The following LRMDA variants were observed in gnomAD, a reference collection of about 807,000 sequenced individuals.
LRMDA encodes leucine rich melanocyte differentiation associated.
In LRMDA, 18 loss-of-function variants were observed where a neutral mutation model predicts 29.8. That is an observed-to-expected ratio of 0.60 (90% confidence interval 0.42 to 0.90). LRMDA has a LOEUF of 0.90. Ranked by LOEUF, LRMDA falls within the 40% of genes least tolerant of loss-of-function variation. The pLI is 0.00. For missense variants in LRMDA, 273 were observed against 273.9 expected (o/e 1.00, Z 0.02); for synonymous variants, 125 against 109.4 (o/e 1.14, Z -0.89).
intron 5 of LRMDA, among the ~76,000 whole-genome samples, chr10:76,077,992 A>ATTTTTTTTTTTTT (rs756023731): frequency 2.1e-5 from 1 of 48,048 alleles, no homozygotes; most frequent in African/African-American, 9.0e-5. Context: ...CAATATTAAC[A>ATTTTTTTTTTTTT]TTTTTTTTTT....
chr10:76,245,955 T>C (rs1441704673), intron 5 of LRMDA, among the ~76,000 whole-genome samples: 1 of 152,200 alleles, frequency 6.6e-6, no homozygotes, highest in Non-Finnish European at 1.5e-5. Context: ...AAATTAGAGA[T>C]ACGATACTAG....
chr10:76,527,282 C>T (rs140231996), intron 6 of LRMDA, among the ~76,000 whole-genome samples: 256 of 152,248 alleles, frequency 1.7e-3, no homozygotes, highest in African/African-American at 6.0e-3. Flanking sequence ...TAAGTATGCA[C>T]TACCATGTGC....
At chr10:76,237,886 G>A (rs1852185444) in intron 5 of LRMDA, among the ~76,000 whole-genome samples, 1 of 149,732 alleles carries the variant, frequency 6.7e-6, no homozygotes, top group African/African-American at 2.5e-5. Context: ...CTGCCCCTGG[G>A]TTCAAGCAAT....
chr10:76,077,580 G>A (rs1005397211), intron 5 of LRMDA, among the ~76,000 whole-genome samples: 6 of 152,044 alleles, frequency 3.9e-5, no homozygotes, highest in Admixed American at 3.9e-4. Context: ...AGTTTCCAAG[G>A]TCATAGTTTC....
intron 5 of LRMDA, among the ~76,000 whole-genome samples, chr10:76,101,812 G>T (rs551127214): frequency 6.6e-6 from 1 of 151,978 alleles, no homozygotes; most frequent in Admixed American, 6.6e-5. Flanking sequence ...TAGTACATTC[G>T]CAGGGTTGTG....
chr10:76,004,823 G>T (rs1424494381), intron 2 of LRMDA, among the ~76,000 whole-genome samples: 1 of 151,620 alleles, frequency 6.6e-6, no homozygotes, highest in Non-Finnish European at 1.5e-5. Context: ...CGCCTCCCAG[G>T]TTCATGCCAT....
At chr10:75,559,272 C>G (rs912634579) in intron 2 of LRMDA, among the ~76,000 whole-genome samples, 6 of 150,944 alleles carry the variant, frequency 4.0e-5, no homozygotes, top group Non-Finnish European at 5.9e-5. Context: ...TTGCATTTCT[C>G]TGATGGCCAG....
At chr10:75,948,311 G>T (rs1323463693) in intron 2 of LRMDA, among the ~76,000 whole-genome samples, 3 of 152,156 alleles carry the variant, frequency 2.0e-5, no homozygotes, top group Admixed American at 6.5e-5. Context: ...GCAGTACTTT[G>T]TTCCCGAGCA....
chr10:76,214,330 A>ATATT lies in LRMDA; in HGVS notation c.517-110070_517-110069insATTT, dbSNP rs1554855432. Among the ~76,000 whole-genome samples, 263 of 87,248 alleles carry ATATT rather than the reference A, an allele frequency of 3.0e-3. 6 individuals carry two copies. The highest frequency in any genetic ancestry group is 8.5e-3 in the East Asian group (20 of 2,344). The allele number at this position is 87,248 out of a possible 152,430, so 57.2% of individuals were successfully genotyped here. ...TACTGTAAGATGTCACTTGAACCAAATTTTTTTTTTTTTTTTTTTTTTTTT... is the reference window on the plus strand; with the variant it reads ...TACTGTAAGATGTCACTTGAACCAAATATTTTTTTTTTTTTTTTTTTTTTTTTTT... On this transcript the variant is annotated intron_variant, in intron 5 of 6. Coordinates refer to ENST00000611255, the MANE Select transcript of LRMDA (RefSeq NM_001305581.2).
chr10:75,655,170 G>T (rs1311342769), intron 2 of LRMDA, among the ~76,000 whole-genome samples: 1 of 152,170 alleles, frequency 6.6e-6, no homozygotes, highest in Non-Finnish European at 1.5e-5. Flanking sequence ...CCTTTTTGTG[G>T]TTGTCAAAAC....
At chr10:76,429,062 C>T (rs1842162431) in intron 6 of LRMDA, among the ~76,000 whole-genome samples, 1 of 130,470 alleles carries the variant, frequency 7.7e-6, no homozygotes, top group South Asian at 2.6e-4. Flanking sequence ...ACACACATTC[C>T]CCACACTGGC....
intron 5 of LRMDA, among the ~76,000 whole-genome samples, chr10:76,255,438 G>A (rs1852575582): frequency 6.6e-6 from 1 of 152,138 alleles, no homozygotes; most frequent in Non-Finnish European, 1.5e-5. Flanking sequence ...TTCATAATAA[G>A]GATTTTAGGA....
chr10:76,463,691 G>T (rs1842535131), intron 6 of LRMDA, among the ~76,000 whole-genome samples: 1 of 152,092 alleles, frequency 6.6e-6, no homozygotes, highest in South Asian at 2.1e-4. Context: ...GAGGAGAAAG[G>T]ACAGCTGCAG....
chr10:75,759,223 A>G (rs1190680508), intron 2 of LRMDA, among the ~76,000 whole-genome samples: 6 of 152,202 alleles, frequency 3.9e-5, no homozygotes, highest in Non-Finnish European at 7.3e-5. Flanking sequence ...TTTAGTTATT[A>G]AGCTTGCGTA....
Position 76,196,453 on chromosome 10 carries a change from A to G in LRMDA, c.517-127948A>G, listed in dbSNP as rs574098480. Among the ~76,000 whole-genome samples the G allele has an allele frequency of 2.6e-5, 4 of 152,300 alleles. No homozygotes were observed. The South Asian group carries it at 8.3e-4, about 32-fold the overall frequency. ...GTTCTCACCCACCTGAGGCTTGACC[A>G]TGTTTTCAGAGCTGCCACGTGGCAG... On this transcript the variant is annotated intron_variant, in intron 5 of 6. Coordinates refer to ENST00000611255, the MANE Select transcript of LRMDA (RefSeq NM_001305581.2).
intron 2 of LRMDA, among the ~76,000 whole-genome samples, chr10:75,488,119 A>T (rs776491026): frequency 6.6e-6 from 1 of 152,086 alleles, no homozygotes; most frequent in East Asian, 1.9e-4. Flanking sequence ...GAGGCTGAGG[A>T]TGCTAAATGG....
At chr10:76,349,334 A>G (rs930529394) in intron 6 of LRMDA, among the ~76,000 whole-genome samples, 2 of 152,142 alleles carry the variant, frequency 1.3e-5, no homozygotes, top group Non-Finnish European at 2.9e-5. Flanking sequence ...CTGTGTTCCA[A>G]TAAGACTATT....
chr10:75,973,021 ACAG>A (rs3042539), intron 2 of LRMDA, among the ~76,000 whole-genome samples: 26,632 of 148,738 alleles, frequency 0.18, 2,609 homozygotes, highest in Admixed American at 0.28. Context: ...CACTTTAACA[ACAG>A]CAGCAGCAGC....
chr10:75,690,413 T>C (rs1589158941), intron 2 of LRMDA, among the ~76,000 whole-genome samples: 1 of 152,290 alleles, frequency 6.6e-6, no homozygotes, highest in East Asian at 1.9e-4. Flanking sequence ...CAAGCAATCC[T>C]CCCATCTCAG....
Sources: allele counts gnomAD v4.1 joint callset (sites outside exome capture counted in the v4.1 genomes callset), GRCh38; gene constraint gnomAD v4.1.1; transcripts MANE v1.5; gene names NCBI Gene and HGNC (gene_info 2026-07-23, HGNC 2026-07-21).